Variants in SAE1 observed in about 807,000 individuals in gnomAD.
The protein encoded by SAE1 is SUMO1 activating enzyme subunit 1.
In SAE1, 11 loss-of-function variants were observed where a neutral mutation model predicts 40.6. That is an observed-to-expected ratio of 0.27 (90% CI 0.17 to 0.45). The LOEUF is 0.45. SAE1 is among the 20% of genes least tolerant of loss of function. The pLI is 1.00. For missense variants in SAE1, 373 were observed against 427.3 expected, an observed-to-expected ratio of 0.87 and a Z score of 1.12; for synonymous variants, 155 against 154.3, an observed-to-expected ratio of 1.00 and a Z score of -0.03.
intron 8 of SAE1, among the ~76,000 whole-genome samples, chr19:47,206,486 C>T (rs888116338): frequency 3.3e-5 from 5 of 152,182 alleles, no homozygotes; most frequent in African/African-American, 7.2e-5. Flanking sequence ...TCATCTTTTG[C>T]GTCTTTCCTT....
At chr19:47,200,166 C>G (rs925456318) in intron 7 of SAE1, among the ~76,000 whole-genome samples, 13 of 151,808 alleles carry the variant, frequency 8.6e-5, no homozygotes, top group African/African-American at 3.1e-4. Context: ...ATCTCCTGAC[C>G]TCATGATCCA....
chr19:47,201,925 A>T (rs1318407601), intron 7 of SAE1, among the ~76,000 whole-genome samples: 1 of 151,970 alleles, frequency 6.6e-6, no homozygotes, highest in Non-Finnish European at 1.5e-5. Flanking sequence ...GAGCCACCGC[A>T]CCCAGCCCTA....
At chr19:47,158,915 T>C (rs2058340673) in intron 5 of SAE1, among the ~76,000 whole-genome samples, 1 of 152,122 alleles carries the variant, frequency 6.6e-6, no homozygotes, top group Non-Finnish European at 1.5e-5. Flanking sequence ...CGTGACATAT[T>C]AGGAGGATGG....
chr19:47,170,919 G>A (rs966302315), intron 6 of SAE1, among the ~76,000 whole-genome samples: 1 of 152,186 alleles, frequency 6.6e-6, no homozygotes, highest in East Asian at 1.9e-4. Flanking sequence ...TTTGCTGGTG[G>A]TCAAGAGACT....
intron 6 of SAE1, among the ~76,000 whole-genome samples, chr19:47,177,503 C>T (rs559589272): frequency 2.0e-5 from 3 of 152,080 alleles, no homozygotes; most frequent in Admixed American, 1.3e-4. Flanking sequence ...GGACTACAGG[C>T]GTGTGCCACC....
intron 5 of SAE1, among the ~76,000 whole-genome samples, chr19:47,157,519 G>T (rs938171978): frequency 6.6e-6 from 1 of 152,196 alleles, no homozygotes; most frequent in African/African-American, 2.4e-5. Flanking sequence ...AGAGTGCCTA[G>T]CTTTGTTAGC....
intron 7 of SAE1, among the ~76,000 whole-genome samples, chr19:47,201,116 A>C (rs750494056): frequency 3.3e-5 from 5 of 151,356 alleles, no homozygotes; most frequent in South Asian, 2.1e-4. Context: ...ATCTTGGCTC[A>C]CTGCAACCTC....
At chr19:47,207,274 GA>G (rs1325784756) in intron 8 of SAE1, among the ~76,000 whole-genome samples, 1 of 152,134 alleles carries the variant, frequency 6.6e-6, no homozygotes, top group Non-Finnish European at 1.5e-5. Context: ...AATTTCCCTG[GA>G]AAAATGGCTG....
intron 5 of SAE1, among the ~76,000 whole-genome samples, chr19:47,156,502 GT>G (rs997648899): frequency 2.0e-5 from 3 of 151,880 alleles, no homozygotes; most frequent in Admixed American, 2.0e-4. Context: ...TTCTTTGCCT[GT>G]TTTTTTCCTT....
chr19:47,158,089 T>C, intron 5 of SAE1, among the ~76,000 whole-genome samples: 1 of 68,016 alleles, frequency 1.5e-5, no homozygotes, highest in East Asian at 4.2e-4. Context: ...GAGTGCAGGG[T>C]GGGGGTGGGG....
chr19:47,178,262 A>G lies in SAE1; in HGVS notation c.733+8339A>G, dbSNP rs370503512. 4.0e-5 allele frequency among the ~76,000 whole-genome samples: 6 copies of G among 151,894 alleles called. No homozygotes were observed. The South Asian group carries it at 1.2e-3, about 32-fold the overall frequency. ...ATCTCCAAAAAAAAAAAAGAAATCTATCTATCTATCAGTCAGAATCACTGA... is the reference window on the plus strand; with the variant it reads ...ATCTCCAAAAAAAAAAAAGAAATCTGTCTATCTATCAGTCAGAATCACTGA... On this transcript the variant is annotated intron_variant, in intron 6 of 8. Transcript: ENST00000270225.
chr19:47,155,500 G>A (rs62135079), intron 5 of SAE1, among the ~76,000 whole-genome samples: 2 of 151,818 alleles, frequency 1.3e-5, no homozygotes, highest in African/African-American at 4.8e-5. Context: ...TTTTCTTGTC[G>A]CTCAGGCTGG....
intron 5 of SAE1, among the ~76,000 whole-genome samples, chr19:47,167,968 A>G (rs1348037094): frequency 6.6e-6 from 1 of 152,154 alleles, no homozygotes; most frequent in Non-Finnish European, 1.5e-5. Context: ...CGAGGCAGGC[A>G]GATCACCTAA....
At chr19:47,207,136 C>G (rs2058690665) in intron 8 of SAE1, among the ~76,000 whole-genome samples, 1 of 152,148 alleles carries the variant, frequency 6.6e-6, no homozygotes, top group South Asian at 2.1e-4. Context: ...CCCAGCTACT[C>G]AAGAGGGTAT....
In SAE1 at chr19:47,196,948, C is replaced by G. The variant is rs558519552; in HGVS notation, c.734-285C>G. Among the ~76,000 whole-genome samples, 4 of 151,882 alleles carry G rather than the reference C, an allele frequency of 2.6e-5. No homozygotes were observed. In the East Asian group the frequency reaches 5.9e-4, roughly 22 times the overall value. On this transcript the variant is annotated intron_variant, in intron 6 of 8. Transcript: ENST00000270225. ...CTGTAATCCCAGCACTTTGGGAGGC[C>G]GAGGCGGGCGGATCACGAGGTCAGG...
At chr19:47,141,097 G>A (rs892157639) in intron 1 of SAE1, among the ~76,000 whole-genome samples, 2 of 152,016 alleles carry the variant, frequency 1.3e-5, no homozygotes, top group Non-Finnish European at 2.9e-5. Context: ...CGCCTCCCAG[G>A]TTTGAGTGAT....
chr19:47,192,053 CAAAAAAA>C (rs546857201), intron 6 of SAE1, among the ~76,000 whole-genome samples: 93 of 104,206 alleles, frequency 8.9e-4, no homozygotes, highest in Middle Eastern at 0.014. Flanking sequence ...GACTCTGTCT[CAAAAAAA>C]AAAAAAGAAA....
chr19:47,134,112 C>T (rs556458897), intron 1 of SAE1, among the ~76,000 whole-genome samples: 17 of 152,114 alleles, frequency 1.1e-4, no homozygotes, highest in South Asian at 8.3e-4. Flanking sequence ...CCACCTGCCT[C>T]GGCCTCCCAA....
At chr19:47,169,747 A>G (rs986863949) in intron 5 of SAE1, 71 bp from the exon 6 acceptor site, 2 of 994,044 alleles carry the variant, frequency 2.0e-6, no homozygotes, top group Non-Finnish European at 3.2e-6. Flanking sequence ...TCTGCAATAG[A>G]GAAGAGCAAC....
Sources: allele counts gnomAD v4.1 joint callset (sites outside exome capture counted in the v4.1 genomes callset), GRCh38; gene constraint gnomAD v4.1.1; transcripts MANE v1.5; gene names NCBI Gene and HGNC (gene_info 2026-07-23, HGNC 2026-07-21).